PTPRK: variants seen among roughly 807,000 people sequenced by gnomAD.
PTPRK encodes the protein protein tyrosine phosphatase receptor type K.
Under a neutral mutation model 178.0 loss-of-function variants are expected in PTPRK, and 75 were observed. The observed-to-expected ratio is 0.42, with a 90% CI of 0.35 to 0.51. PTPRK has a LOEUF of 0.51. PTPRK is among the 20% of genes least tolerant of loss of function. The pLI is 0.02. For missense variants in PTPRK, 1,441 were observed against 1,797.8 expected (o/e 0.80, Z 3.59); for synonymous variants, 637 against 620.6 (o/e 1.03, Z -0.39).
intron 1 of PTPRK, among the ~76,000 whole-genome samples, chr6:128,437,469 T>A (rs1244002390): frequency 1.3e-5 from 2 of 152,196 alleles, no homozygotes; most frequent in African/African-American, 4.8e-5. Flanking sequence ...CCACTCGCCC[T>A]GAATTCCTTT....
chr6:128,250,628 AT>A lies in PTPRK; in HGVS notation c.496-8027del, dbSNP rs1816317209. On this transcript the variant is annotated intron_variant, in intron 3 of 29. Transcript: ENST00000368226. ...CACTTGTTTGAGAAAGTTCTAGATA[AT>A]TTTCCCAAGCTATATTAGAAATCAT... Among the ~76,000 whole-genome samples the A allele has an allele frequency of 2.0e-5, 3 of 152,160 alleles. No individual in the cohort carries two copies. In the South Asian group the frequency reaches 6.2e-4, roughly 31 times the overall value.
chr6:128,197,297 A>T (rs1014956680), intron 6 of PTPRK, among the ~76,000 whole-genome samples: 3 of 151,538 alleles, frequency 2.0e-5, no homozygotes, highest in Admixed American at 1.3e-4. Flanking sequence ...GCACCTATCA[A>T]CCTGTCATCT....
intron 1 of PTPRK, among the ~76,000 whole-genome samples, chr6:128,494,268 G>A (rs188965256): frequency 2.9e-3 from 439 of 149,782 alleles, no homozygotes; most frequent in Non-Finnish European, 4.9e-3. Flanking sequence ...TAATTGTTTC[G>A]ATAAGATTAC....
chr6:128,029,960 T>C (rs1042192631), intron 13 of PTPRK, among the ~76,000 whole-genome samples: 27 of 151,818 alleles, frequency 1.8e-4, no homozygotes, highest in African/African-American at 3.6e-4. Context: ...GAGAGGAAAG[T>C]AGGGTAGGAA....
At chr6:128,211,774 G>A (rs1808229633) in intron 6 of PTPRK, among the ~76,000 whole-genome samples, 1 of 152,090 alleles carries the variant, frequency 6.6e-6, no homozygotes, top group Non-Finnish European at 1.5e-5. Flanking sequence ...TATAGTGGTA[G>A]AGAACCCTGC....
At chr6:128,433,411 A>G (rs1334215012) in intron 1 of PTPRK, among the ~76,000 whole-genome samples, 1 of 152,134 alleles carries the variant, frequency 6.6e-6, no homozygotes, top group East Asian at 1.9e-4. Flanking sequence ...TTCACTTACC[A>G]TAGTGAACTC....
intron 2 of PTPRK, among the ~76,000 whole-genome samples, chr6:128,396,037 T>C (rs1840256625): frequency 6.6e-6 from 1 of 152,074 alleles, no homozygotes; most frequent in Non-Finnish European, 1.5e-5. Flanking sequence ...TGATAAATTG[T>C]TTATTGTTGA....
chr6:128,350,260 G>A (rs187138652), intron 2 of PTPRK, among the ~76,000 whole-genome samples: 2 of 152,246 alleles, frequency 1.3e-5, no homozygotes, highest in African/African-American at 4.8e-5. Context: ...AAGTATTAAA[G>A]GTAGCAATCA....
intron 2 of PTPRK, among the ~76,000 whole-genome samples, chr6:128,336,096 A>G (rs1041499276): frequency 2.0e-5 from 3 of 152,234 alleles, no homozygotes; most frequent in Non-Finnish European, 4.4e-5. Flanking sequence ...GTCTTAACAA[A>G]TACAATCACC....
intron 1 of PTPRK, among the ~76,000 whole-genome samples, chr6:128,433,829 T>TTTTG (rs200567017): frequency 0.026 from 3,886 of 150,606 alleles, 164 homozygotes; most frequent in African/African-American, 0.091. Context: ...TAACACTGTT[T>TTTTG]TTTTTTTTTT....
At chr6:127,981,348 C>A in intron 24 of PTPRK, 59 bp from the exon 25 acceptor site, 1 of 1,425,456 alleles carries the variant, frequency 7.0e-7, no homozygotes. Flanking sequence ...CAGTATAACA[C>A]AGATCCATCA....
chr6:128,399,751 C>G (rs1840785839), intron 1 of PTPRK, among the ~76,000 whole-genome samples: 1 of 152,150 alleles, frequency 6.6e-6, no homozygotes, highest in African/African-American at 2.4e-5. Context: ...CTTAATTGCT[C>G]TCCTTCATAG....
At chr6:128,455,712 A>C (rs1206732947) in intron 1 of PTPRK, among the ~76,000 whole-genome samples, 1 of 152,142 alleles carries the variant, frequency 6.6e-6, no homozygotes, top group Admixed American at 6.6e-5. Flanking sequence ...CTAATGTCTT[A>C]TGTAATATTT....
At chr6:128,435,987 G>C in intron 1 of PTPRK, among the ~76,000 whole-genome samples, 1 of 40,920 alleles carries the variant, frequency 2.4e-5, no homozygotes, top group East Asian at 1.2e-3. Context: ...AAATGAGAAA[G>C]AGGAAAAAAA....
intron 1 of PTPRK, among the ~76,000 whole-genome samples, chr6:128,479,823 T>G (rs1378848979): frequency 6.6e-6 from 1 of 152,154 alleles, no homozygotes; most frequent in East Asian, 1.9e-4. Flanking sequence ...AACTTCTGGT[T>G]TTTGGTTAAA....
At chr6:128,384,452 G>C (rs1014676472) in intron 2 of PTPRK, among the ~76,000 whole-genome samples, 2 of 152,048 alleles carry the variant, frequency 1.3e-5, no homozygotes, top group African/African-American at 2.4e-5. Context: ...GTAAATCAGG[G>C]GTGTCCAATC....
chr6:128,238,156 A>G (rs9375556), intron 5 of PTPRK: 21,880 of 436,640 alleles, frequency 0.05, 2,032 homozygotes, highest in East Asian at 0.31. Flanking sequence ...GAAGAGAAAT[A>G]CATAAATTCA....
At chr6:128,328,490 C>T (rs1392941314) in intron 2 of PTPRK, among the ~76,000 whole-genome samples, 2 of 152,048 alleles carry the variant, frequency 1.3e-5, no homozygotes, top group East Asian at 3.9e-4. Context: ...GTCAAAACAA[C>T]AACAAAAAGA....
chr6:127,979,599 T>G lies in PTPRK; in HGVS notation c.3711+1517A>C, dbSNP rs368268932. Among the ~76,000 whole-genome samples, 48 of 152,314 alleles carry G rather than the reference T, an allele frequency of 3.2e-4. No individual in the cohort carries two copies. The South Asian group carries it at 9.5e-3, about 30-fold the overall frequency. ...CCGATCACAGCAAGGATGAGAGCTT[T>G]TCACAGGCAAGAGTGACCACAGCAA... On this transcript the variant is annotated intron_variant, in intron 25 of 29. Coordinates refer to ENST00000368226, the MANE Select transcript of PTPRK (RefSeq NM_002844.4).
Sources: gnomAD v4.1 joint callset for allele counts (sites outside exome capture counted in the v4.1 genomes callset) on GRCh38, gnomAD v4.1.1 for gene constraint, MANE v1.5 for transcripts, NCBI Gene and HGNC (gene_info 2026-07-23, HGNC 2026-07-21) for gene names.